Variants in KDM4C observed in about 807,000 individuals in gnomAD.
KDM4C encodes lysine-specific demethylase 4C.
Under a neutral mutation model 129.3 loss-of-function variants are expected in KDM4C, and 81 were observed. That is an observed-to-expected ratio of 0.63 (90% CI 0.52 to 0.75). The LOEUF (loss-of-function observed/expected upper bound fraction) is 0.75. Among genes scored for constraint, KDM4C ranks in the 30% least tolerant of loss-of-function variants. The pLI is 0.00. For synonymous variants in KDM4C, 573 were observed against 456.1 expected (o/e 1.26, Z -3.26); for missense variants, 1,457 against 1,304.0 (o/e 1.12, Z -1.81).
At chr9:6,917,674 C>T (rs1017135422) in intron 8 of KDM4C, among the ~76,000 whole-genome samples, 2 of 152,314 alleles carry the variant, frequency 1.3e-5, no homozygotes, top group Non-Finnish European at 2.9e-5. Context: ...GGCTCTCCCT[C>T]TCTCCTCCTG....
At chr9:6,756,897 TTC>T (rs1381406324), upstream of KDM4C, among the ~76,000 whole-genome samples, 10 of 152,224 alleles carry the variant, frequency 6.6e-5, no homozygotes, top group African/African-American at 2.2e-4. Flanking sequence ...ATTTTTAAAA[TTC>T]TGTTATCAGT....
chr9:7,092,443 T>C (rs565414835), intron 17 of KDM4C, among the ~76,000 whole-genome samples: 4 of 152,320 alleles, frequency 2.6e-5, no homozygotes, highest in African/African-American at 9.6e-5. Context: ...AACTCTTCTT[T>C]CTCTGTCCTC....
chr9:6,882,813 T>C (rs2130797987), intron 6 of KDM4C, among the ~76,000 whole-genome samples: 1 of 149,310 alleles, frequency 6.7e-6, no homozygotes, highest in South Asian at 2.1e-4. Context: ...TGTGCGCGTG[T>C]GCACGTGCAC....
intron 5 of KDM4C, among the ~76,000 whole-genome samples, chr9:6,874,867 A>T (rs1843320067): frequency 6.6e-6 from 1 of 151,594 alleles, no homozygotes; most frequent in Non-Finnish European, 1.5e-5. Context: ...AGGTGGGAGG[A>T]TCACTTGAGC....
chr9:6,949,040 C>A (rs7863137), intron 8 of KDM4C, among the ~76,000 whole-genome samples: 10 of 151,520 alleles, frequency 6.6e-5, no homozygotes, highest in Admixed American at 3.9e-4. Flanking sequence ...AGGGGCTCCT[C>A]ACTTCCCAGA....
At chr9:6,967,099 A>G (rs1257913070) in intron 8 of KDM4C, among the ~76,000 whole-genome samples, 4 of 152,102 alleles carry the variant, frequency 2.6e-5, no homozygotes, top group Non-Finnish European at 5.9e-5. Context: ...GAAGTGACTA[A>G]AGCATCTCCC....
At chr9:6,720,924 T>C (rs1259785812) in exon 1 of KDM4C, 27 of 1,550,212 alleles carry the variant, frequency 1.7e-5, no homozygotes, top group Non-Finnish European at 2.4e-5. Context: ...TCTGCATTCA[T>C]GTGGAAGAGG....
At chr9:7,133,746 G>A (rs780804265) in intron 19 of KDM4C, among the ~76,000 whole-genome samples, 1 of 152,160 alleles carries the variant, frequency 6.6e-6, no homozygotes, top group African/African-American at 2.4e-5. Context: ...GTTGAGCCCC[G>A]CACAAGCCCT....
intron 8 of KDM4C, among the ~76,000 whole-genome samples, chr9:6,904,537 G>A (rs1817960528): frequency 6.6e-6 from 1 of 152,046 alleles, no homozygotes; most frequent in African/African-American, 2.4e-5. Flanking sequence ...CATTCCCTGG[G>A]TGCAGAGCAG....
At chr9:7,072,632 T>C (rs1833362951) in intron 17 of KDM4C, among the ~76,000 whole-genome samples, 1 of 152,146 alleles carries the variant, frequency 6.6e-6, no homozygotes, top group African/African-American at 2.4e-5. Context: ...AGTCACTGAC[T>C]ACAAAGGGGC....
At chr9:6,764,484 A>T (rs1430963997) in intron 1 of KDM4C, among the ~76,000 whole-genome samples, 1 of 152,196 alleles carries the variant, frequency 6.6e-6, no homozygotes, top group African/African-American at 2.4e-5. Flanking sequence ...ACATTTCTTC[A>T]GTAGATTAAC....
chr9:6,817,883 C>A (rs1241527920), intron 4 of KDM4C, among the ~76,000 whole-genome samples: 1 of 151,382 alleles, frequency 6.6e-6, no homozygotes, highest in African/African-American at 2.4e-5. Flanking sequence ...TCTCCTGCCA[C>A]AGCCTCCCAA....
chr9:7,135,306 G>A (rs550207311), intron 19 of KDM4C, among the ~76,000 whole-genome samples: 1 of 152,200 alleles, frequency 6.6e-6, no homozygotes, highest in African/African-American at 2.4e-5. Flanking sequence ...TTCTGTGCTG[G>A]CAGTTATCTC....
At chr9:6,744,441 C>T (rs959550978) in intron 1 of KDM4C, among the ~76,000 whole-genome samples, 6 of 152,140 alleles carry the variant, frequency 3.9e-5, no homozygotes, top group African/African-American at 1.4e-4. Context: ...AGGAGAATTG[C>T]TTGAACCTGG....
chr9:6,725,409 A>C (rs1817089268), intron 1 of KDM4C, among the ~76,000 whole-genome samples: 1 of 151,988 alleles, frequency 6.6e-6, no homozygotes, highest in Non-Finnish European at 1.5e-5. Context: ...GGATAGTGGT[A>C]ATTGCCTTGT....
At chr9:6,781,979 C>G (rs1824444204) in intron 1 of KDM4C, among the ~76,000 whole-genome samples, 1 of 152,020 alleles carries the variant, frequency 6.6e-6, no homozygotes, top group Non-Finnish European at 1.5e-5. Context: ...TGCCTGCCAC[C>G]ATGCCCGGCT....
intron 4 of KDM4C, chr9:6,835,182 C>T (rs76760773): frequency 0.015 from 13,783 of 938,668 alleles, 154 homozygotes; most frequent in Middle Eastern, 0.025. Flanking sequence ...AGCTGACTGA[C>T]GGCCAGGTCA....
chr9:6,961,938 G>C (rs1031232338), intron 8 of KDM4C, among the ~76,000 whole-genome samples: 1 of 152,150 alleles, frequency 6.6e-6, no homozygotes, highest in African/African-American at 2.4e-5. Context: ...ATAAATCAAA[G>C]ACTGTAGGGA....
intron 12 of KDM4C, among the ~76,000 whole-genome samples, chr9:7,007,387 C>T (rs891201068): frequency 1.3e-5 from 2 of 152,168 alleles, no homozygotes; most frequent in African/African-American, 4.8e-5. Flanking sequence ...ATGAAGTGCT[C>T]TTGGCATAAA....
Sources: gnomAD v4.1 joint callset for allele counts (sites outside exome capture counted in the v4.1 genomes callset) on GRCh38, gnomAD v4.1.1 for gene constraint, MANE v1.5 for transcripts, NCBI Gene and HGNC (gene_info 2026-07-23, HGNC 2026-07-21) for gene names.